The following NHEJ1 variants were observed in gnomAD, a reference collection of about 807,000 sequenced individuals.
NHEJ1 encodes non-homologous end joining factor 1, also known as non-homologous end-joining factor 1.
In NHEJ1, 22 loss-of-function variants were observed where a neutral mutation model predicts 39.4. The ratio of observed to expected loss-of-function variants is 0.56; its 90% CI spans 0.40 to 0.80. The LOEUF is 0.80. NHEJ1 is among the 30% of genes least tolerant of loss of function. The probability of loss-of-function intolerance (pLI) is 0.00; values close to 1 mark genes in which losing one functional copy is unlikely to be tolerated. For synonymous variants in NHEJ1, 154 were observed against 135.6 expected (o/e 1.14, Z -0.94); for missense variants, 329 against 357.1 (o/e 0.92, Z 0.63).
Position 219,122,820 on chromosome 2 carries a change from C to T in NHEJ1, c.588+23860G>A, listed in dbSNP as rs116775400. ...AATATTAACAACACCCTGTGGCTTT[C>T]GGGAACAGCAGCCCAGCTAGAAGGT... On this transcript the variant is annotated intron_variant, in intron 5 of 7. Transcript: ENST00000356853. Among the ~76,000 whole-genome samples the T allele has an allele frequency of 7.1e-3, 1,084 of 152,268 alleles. 18 individuals are homozygous for T. The highest frequency in any genetic ancestry group is 0.021 in the African/African-American group (887 of 41,522).
chr2:219,148,727 G>A (rs1949765992), intron 3 of NHEJ1, among the ~76,000 whole-genome samples: 1 of 152,076 alleles, frequency 6.6e-6, no homozygotes. Flanking sequence ...CAGACACTAA[G>A]AGCCATTTCA....
Position 219,074,797 on chromosome 2 carries a change from T to C in NHEJ1, c.*1584A>G, listed in dbSNP as rs1052926587. ...TAAGCCAGCTGATAGGCTGTTTTTA[T>C]ATAGTTCCCAATTCACTTCGATGAC... On this transcript the variant is annotated 3_prime_UTR_variant, in exon 8 of 8. Transcript: ENST00000356853. Among the ~76,000 whole-genome samples, 1 of 151,758 alleles carries C rather than the reference T, an allele frequency of 6.6e-6. No homozygotes were observed. Among genetic ancestry groups the C allele is most frequent in the Non-Finnish European group, 1.5e-5 (1 of 67,942 alleles).
At chr2:219,122,028 G>C (rs1949476211) in intron 5 of NHEJ1, among the ~76,000 whole-genome samples, 1 of 151,986 alleles carries the variant, frequency 6.6e-6, no homozygotes, top group Non-Finnish European at 1.5e-5. Flanking sequence ...CAAGAAAAAA[G>C]GTGGGGCAAT....
At position 219,158,403 on chromosome 2, in the gene NHEJ1, T is replaced by C. The variant is rs183881242; in HGVS notation, c.1-41A>G. 1.5e-3 allele frequency: 2,469 copies of C among 1,605,638 alleles called. 9 individuals are homozygous for C. Among genetic ancestry groups the C allele is most frequent in the South Asian group, 3.9e-3 (354 of 90,958 alleles). ...CATTTAGTAAAGAGCCTCAGGGTCA[T>C]GCTGGCCTAGGGAGGGCACCACCCA... On this transcript the variant is annotated intron_variant, in intron 1 of 7. Transcript: ENST00000356853.
chr2:219,105,912 T>TC (rs1466071474), intron 5 of NHEJ1, among the ~76,000 whole-genome samples: 1 of 152,264 alleles, frequency 6.6e-6, no homozygotes, highest in Admixed American at 6.5e-5. Context: ...TCCATGGGGT[T>TC]ATAAGCTCCT....
intron 6 of NHEJ1, 141 bp from the exon 7 acceptor site, chr2:219,077,505 T>C: frequency 1.4e-6 from 1 of 730,280 alleles, no homozygotes. Flanking sequence ...CAAGTCCAAC[T>C]TCCAGCTGAC....
At chr2:219,141,930 A>G (rs1229758365) in intron 5 of NHEJ1, among the ~76,000 whole-genome samples, 1 of 152,180 alleles carries the variant, frequency 6.6e-6, no homozygotes, top group Non-Finnish European at 1.5e-5. Context: ...TTCAAGTTAA[A>G]GCATTGCCCA....
At chr2:219,118,760 G>A (rs1433199618) in intron 5 of NHEJ1, among the ~76,000 whole-genome samples, 1 of 152,236 alleles carries the variant, frequency 6.6e-6, no homozygotes, top group Non-Finnish European at 1.5e-5. Context: ...GGAGGCCCAA[G>A]GAACAAGCTG....
intron 5 of NHEJ1, among the ~76,000 whole-genome samples, chr2:219,115,070 G>A (rs1330942592): frequency 3.3e-5 from 5 of 152,046 alleles, no homozygotes; most frequent in Non-Finnish European, 5.9e-5. Context: ...GAAAAGACCC[G>A]GTCTTCTAGG....
At chr2:219,137,063 C>T (rs1949637593) in intron 5 of NHEJ1, among the ~76,000 whole-genome samples, 2 of 135,442 alleles carry the variant, frequency 1.5e-5, no homozygotes, top group African/African-American at 5.5e-5. Flanking sequence ...CTTTTTAGCT[C>T]TTCTTGAGAA....
At chr2:219,148,302 C>T (rs1949761971) in intron 3 of NHEJ1, among the ~76,000 whole-genome samples, 1 of 152,086 alleles carries the variant, frequency 6.6e-6, no homozygotes, top group African/African-American at 2.4e-5. Flanking sequence ...GCCTGTAATC[C>T]CAGCACTCTG....
chr2:219,116,671 A>C (rs1221859196), intron 5 of NHEJ1, among the ~76,000 whole-genome samples: 1 of 152,066 alleles, frequency 6.6e-6, no homozygotes, highest in African/African-American at 2.4e-5. Context: ...TGCTTTCTTT[A>C]TGATCCCAAA....
chr2:219,147,668 G>A lies in NHEJ1; in HGVS notation c.518C>T (p.Thr173Met), dbSNP rs770861190. 7 of 1,614,102 alleles carry A rather than the reference G, an allele frequency of 4.3e-6. No individual in the cohort carries two copies. The highest frequency in any genetic ancestry group is 2.7e-5 in the African/African-American group (2 of 75,016). The change falls in exon 4 of 8, where the codon ACG becomes ATG. Residue 173 changes from threonine to methionine, a missense_variant. Physicochemically the swap from Thr to Met is moderately conservative, Grantham distance 81. Transcript: ENST00000356853. ...EIQDYQESGA[T>M]LIRDRLKTEP... is the part of the protein sequence containing the mutation. ...GAATGTCCTCTTACCTCGAATCAGC[G>A]TAGCCCCACTCTCCTGGTAGTCTTG...
intron 3 of NHEJ1, among the ~76,000 whole-genome samples, chr2:219,149,037 C>A (rs956061463): frequency 1.3e-5 from 2 of 152,022 alleles, no homozygotes; most frequent in African/African-American, 2.4e-5. Context: ...GCATGCACCA[C>A]GATGCCCGGC....
intron 1 of NHEJ1, among the ~76,000 whole-genome samples, chr2:219,159,590 T>TATATATGCATATATATATATGC (rs1559206421): frequency 9.8e-6 from 1 of 102,204 alleles, no homozygotes; most frequent in Non-Finnish European, 2.0e-5. Context: ...TATATATGCA[T>TATATATGCATATATATATATGC]ATATATATAT....
At chr2:219,083,060 C>G (rs963839799) in intron 5 of NHEJ1, among the ~76,000 whole-genome samples, 1 of 152,236 alleles carries the variant, frequency 6.6e-6, no homozygotes, top group Admixed American at 6.5e-5. Context: ...GTAACTCCCC[C>G]TTCGCCAATC....
intron 2 of NHEJ1, among the ~76,000 whole-genome samples, 175 bp downstream of exon 2, chr2:219,158,011 A>T (rs1413951135): frequency 2.1e-4 from 31 of 150,198 alleles, no homozygotes; most frequent in East Asian, 1.7e-3. Flanking sequence ...ACACACACAC[A>T]CACACACACA....
chr2:219,115,489 T>G (rs1949405005), intron 5 of NHEJ1, among the ~76,000 whole-genome samples: 1 of 151,992 alleles, frequency 6.6e-6, no homozygotes, highest in Non-Finnish European at 1.5e-5. Flanking sequence ...ATCATGCAAG[T>G]CAAGAGCCTG....
At chr2:219,129,492 G>A (rs748879436) in intron 5 of NHEJ1, among the ~76,000 whole-genome samples, 1 of 152,162 alleles carries the variant, frequency 6.6e-6, no homozygotes, top group East Asian at 1.9e-4. Context: ...TTGGGGACCA[G>A]CAAACCTTCC....
Sources: gnomAD v4.1 joint callset for allele counts (sites outside exome capture counted in the v4.1 genomes callset) on GRCh38, gnomAD v4.1.1 for gene constraint, MANE v1.5 for transcripts, NCBI Gene and HGNC (gene_info 2026-07-23, HGNC 2026-07-21) for gene names.